Variants in TPO observed in about 807,000 individuals in gnomAD.
The protein encoded by TPO is thyroid peroxidase, also known as thyroid microsomal antigen.
In TPO, 78 loss-of-function variants were observed where a neutral mutation model predicts 96.9. The ratio of observed to expected loss-of-function variants is 0.81; its 90% confidence interval spans 0.67 to 0.97. The LOEUF (loss-of-function observed/expected upper bound fraction) is 0.97. TPO is among the 50% of genes least tolerant of loss of function. TPO has a pLI of 0.00. For synonymous variants in TPO, 547 were observed against 538.0 expected (o/e 1.02, Z -0.23); for missense variants, 1,252 against 1,274.8 (o/e 0.98, Z 0.27).
At chr2:1,472,441 C>T (rs13431646) in intron 7 of TPO, among the ~76,000 whole-genome samples, 11,009 of 152,244 alleles carry the variant, frequency 0.072, 665 homozygotes, top group African/African-American at 0.16. Context: ...AGAAGTCATG[C>T]ACAAGCATAT....
At chr2:1,518,336 G>T (rs1262110597) in intron 15 of TPO, among the ~76,000 whole-genome samples, 2 of 152,172 alleles carry the variant, frequency 1.3e-5, no homozygotes, top group African/African-American at 4.8e-5. Flanking sequence ...AAACTTGAAA[G>T]CTTAGCAACC....
At chr2:1,441,008 T>C (rs1666134114) in intron 5 of TPO, among the ~76,000 whole-genome samples, 1 of 151,542 alleles carries the variant, frequency 6.6e-6, no homozygotes, top group South Asian at 2.1e-4. Context: ...CTTGTTTCCA[T>C]GGTGTAGTCA....
intron 8 of TPO, among the ~76,000 whole-genome samples, chr2:1,480,977 T>C (rs1030577096): frequency 6.6e-6 from 1 of 151,990 alleles, no homozygotes; most frequent in African/African-American, 2.4e-5. Flanking sequence ...GGACTTCTGC[T>C]GTGGGCATGT....
At chr2:1,405,263 C>T (rs899034260) in intron 1 of TPO, among the ~76,000 whole-genome samples, 2 of 151,342 alleles carry the variant, frequency 1.3e-5, no homozygotes, top group African/African-American at 4.9e-5. Context: ...CATCCACCCA[C>T]CCATTAATCA....
At chr2:1,415,654 G>A (rs978068740) in intron 2 of TPO, among the ~76,000 whole-genome samples, 1 of 151,842 alleles carries the variant, frequency 6.6e-6, no homozygotes, top group Non-Finnish European at 1.5e-5. Context: ...CCCTGGAGCA[G>A]GTGACACCTT....
At chr2:1,508,419 T>G (rs1265415047) in intron 14 of TPO, among the ~76,000 whole-genome samples, 1 of 152,226 alleles carries the variant, frequency 6.6e-6, no homozygotes, top group Non-Finnish European at 1.5e-5. Flanking sequence ...TAGGGAGGAT[T>G]CCCGCTTTTT....
At chr2:1,454,720 A>G (rs1667633183) in intron 6 of TPO, among the ~76,000 whole-genome samples, 1 of 152,194 alleles carries the variant, frequency 6.6e-6, no homozygotes, top group South Asian at 2.1e-4. Flanking sequence ...TACCCACCTT[A>G]TGCTCAACAG....
intron 5 of TPO, among the ~76,000 whole-genome samples, chr2:1,446,985 GGT>G (rs895441808): frequency 2.0e-5 from 3 of 151,378 alleles, no homozygotes; most frequent in Admixed American, 6.6e-5. Context: ...AACCATGAGG[GGT>G]GTGTGTGTGT....
chr2:1,484,480 C>T (rs1002641971), intron 8 of TPO, 116 bp from the exon 9 acceptor site: 13 of 1,353,424 alleles, frequency 9.6e-6, no homozygotes, highest in African/African-American at 5.8e-5. Flanking sequence ...TATTACAAGA[C>T]GAGAAGGGTC....
In TPO at chr2:1,423,113, T is replaced by C; in HGVS notation, c.163T>C (p.Tyr55His). Residue 55 changes from tyrosine to histidine, a missense_variant, in exon 3 of 17, where the codon TAC becomes CAC. Transcript: ENST00000329066. ...CAAGCGCCTGGTGGACACCGCCATG[T>C]ACGCCACGATGCAGAGGTGAGCCTT... The part of the protein sequence containing the change: ...ESKRLVDTAM[Y>H]ATMQRNLKKR... The C allele has an allele frequency of 6.2e-7, 1 of 1,614,006 alleles. No homozygotes were observed. Among genetic ancestry groups the C allele is most frequent in the Non-Finnish European group, 8.5e-7 (1 of 1,180,044 alleles).
Position 1,456,100 on chromosome 2 carries a change from A to C in TPO, c.637A>C (p.Ile213Leu). The C allele has an allele frequency of 6.2e-7, 1 of 1,614,000 alleles. No individual in the cohort carries two copies. The highest frequency in any genetic ancestry group is 8.5e-7 in the Non-Finnish European group (1 of 1,180,026). Reference sequence around the variant, plus strand: ...GGTCCGGGAGGTGACAAGACATGTCATTCAAGTTTCAAATGAGGTTGTCAC... The same window carrying C: ...GGTCCGGGAGGTGACAAGACATGTCCTTCAAGTTTCAAATGAGGTTGTCAC... ...PPVREVTRHV[I>L]QVSNEVVTDD... The change falls in exon 7 of 17, where the codon ATT (isoleucine) becomes CTT (leucine). Residue 213 changes from isoleucine to leucine, a missense_variant. Physicochemically the swap from Ile to Leu is conservative, Grantham distance 5. Transcript: ENST00000329066.
At chr2:1,463,434 A>C (rs1395859532) in intron 7 of TPO, among the ~76,000 whole-genome samples, 1 of 152,174 alleles carries the variant, frequency 6.6e-6, no homozygotes, top group African/African-American at 2.4e-5. Flanking sequence ...TTTACGGTGG[A>C]GTGAGAGGGT....
chr2:1,462,366 C>T (rs538239278), intron 7 of TPO, among the ~76,000 whole-genome samples: 24 of 152,072 alleles, frequency 1.6e-4, no homozygotes, highest in African/African-American at 2.7e-4. Context: ...CCTCAGGGGA[C>T]GACTTGAAAA....
chr2:1,482,536 G>A (rs535772998), intron 8 of TPO, among the ~76,000 whole-genome samples: 72 of 152,276 alleles, frequency 4.7e-4, no homozygotes, highest in Middle Eastern at 3.4e-3. Flanking sequence ...ACGATGCCCC[G>A]GTCTCACAGT....
chr2:1,430,639 C>G (rs190112836), intron 3 of TPO, among the ~76,000 whole-genome samples: 5 of 152,258 alleles, frequency 3.3e-5, no homozygotes, highest in Non-Finnish European at 4.4e-5. Context: ...ATGAGAGCAG[C>G]CAGGTGGGCT....
chr2:1,534,612 ACT>A (rs1305134745), intron 15 of TPO, among the ~76,000 whole-genome samples: 1 of 144,678 alleles, frequency 6.9e-6, no homozygotes, highest in African/African-American at 2.6e-5. Flanking sequence ...AAATCGCGCC[ACT>A]GTGTGCAACC....
intron 8 of TPO, chr2:1,478,097 A>C (rs1168476728): frequency 2.0e-6 from 2 of 985,348 alleles, no homozygotes; most frequent in Non-Finnish European, 2.4e-6. Flanking sequence ...GTGAATGAAG[A>C]ACCGACTCTG....
intron 13 of TPO, 93 bp from the exon 14 acceptor site, chr2:1,503,855 C>A: frequency 6.2e-7 from 1 of 1,608,172 alleles, no homozygotes; most frequent in East Asian, 2.2e-5. Flanking sequence ...GCTGACCTCC[C>A]CAGAGAGAAG....
chr2:1,527,466 AACCTCCTCAAATCCCCCCATCTGTGTGCG>A (rs1676861040), intron 15 of TPO, among the ~76,000 whole-genome samples: 4 of 137,074 alleles, frequency 2.9e-5, no homozygotes, highest in African/African-American at 1.1e-4. Flanking sequence ...CACTGTGTGC[AACCTCCTCAAATCCCCCCATCTGTGTGCG>A]ACCTCCCCAA....
Sources: allele counts gnomAD v4.1 joint callset (sites outside exome capture counted in the v4.1 genomes callset), GRCh38; gene constraint gnomAD v4.1.1; transcripts MANE v1.5; gene names NCBI Gene and HGNC (gene_info 2026-07-23, HGNC 2026-07-21).